Variants in CCDC3 observed in about 807,000 individuals in gnomAD.
CCDC3 encodes coiled-coil domain containing 3, also known as coiled-coil domain-containing protein 3.
Under a neutral mutation model 21.4 loss-of-function variants are expected in CCDC3, and 24 were observed. That is an observed-to-expected ratio of 1.12 (90% CI 0.81 to 1.58). The LOEUF is 1.58. CCDC3 is among the 40% of genes most tolerant of loss of function. CCDC3 has a pLI of 0.00. For missense variants in CCDC3, 425 were observed against 360.9 expected (o/e 1.18, Z -1.44); for synonymous variants, 186 against 166.0 (o/e 1.12, Z -0.93).
At chr10:13,025,186 T>G (rs2131407441) in intron 5 of CCDC3, among the ~76,000 whole-genome samples, 1 of 152,344 alleles carries the variant, frequency 6.6e-6, no homozygotes, top group Middle Eastern at 3.4e-3. Context: ...TTTATATGGC[T>G]GTAAATTGGT....
chr10:12,965,514 A>C (rs554928902), intron 2 of CCDC3, among the ~76,000 whole-genome samples: 6 of 152,060 alleles, frequency 3.9e-5, no homozygotes, highest in Non-Finnish European at 8.8e-5. Context: ...TACGATTCCT[A>C]CTCCCGATGA....
chr10:13,033,575 T>C (rs1296009705), intron 5 of CCDC3, among the ~76,000 whole-genome samples: 1 of 151,812 alleles, frequency 6.6e-6, no homozygotes, highest in Non-Finnish European at 1.5e-5. Context: ...TGGGAGAAAA[T>C]TTTTACAATC....
chr10:13,039,557 T>C (rs1220900352), intron 5 of CCDC3, among the ~76,000 whole-genome samples: 1 of 152,210 alleles, frequency 6.6e-6, no homozygotes. Flanking sequence ...ATCTTTTGCC[T>C]AGGAGTTTAA....
At chr10:12,909,887 C>G (rs953058194) in intron 2 of CCDC3, among the ~76,000 whole-genome samples, 1 of 152,194 alleles carries the variant, frequency 6.6e-6, no homozygotes, top group Non-Finnish European at 1.5e-5. Context: ...AGCTCTTCAA[C>G]TGAAAAAGGC....
rs145314216 is a variant in CCDC3, at chr10:12,997,443, T to C, written c.549+895A>G. Among the ~76,000 whole-genome samples, 181 of 152,324 alleles carry C rather than the reference T, an allele frequency of 1.2e-3. 1 individual carries two copies. The highest frequency in any genetic ancestry group is 4.2e-3 in the African/African-American group (174 of 41,568). The stretch of plus-strand genomic sequence containing the variant: ...GCCCATTGCTTTGGAAGAGTGATGA[T>C]CATCAAAATGTTCCTCCAACTCTGG... On this transcript the variant is annotated intron_variant, in intron 2 of 2. Transcript: ENST00000378825.
At chr10:13,083,505 A>C (rs1837067466) in intron 3 of CCDC3, among the ~76,000 whole-genome samples, 1 of 152,254 alleles carries the variant, frequency 6.6e-6, no homozygotes. Flanking sequence ...TTGTGCTAAT[A>C]ACTCTTTGTT....
chr10:13,015,674 C>A (rs1194898766), intron 5 of CCDC3, among the ~76,000 whole-genome samples: 1 of 152,018 alleles, frequency 6.6e-6, no homozygotes. Context: ...AGCTGTATAT[C>A]AGACACTGGA....
chr10:13,001,478 C>T lies in CCDC3; in HGVS notation c.93G>A (p.Leu31=). The change falls in exon 1 of 3, where the codon CTG becomes CTA. Residue 31 remains leucine, a synonymous_variant. Coordinates refer to ENST00000378825, the MANE Select transcript of CCDC3 (RefSeq NM_031455.4). Reference sequence around the variant, plus strand: ...CCAGCTCGGCGCGGCAGCCCTCGCTCAGGGGCCTCCACTCGGAGGGCAGCT... The same window carrying T: ...CCAGCTCGGCGCGGCAGCCCTCGCTTAGGGGCCTCCACTCGGAGGGCAGCT... ...ACQLPSEWRP[L]SEGCRAELAE... is the part of the protein sequence containing the mutation. 7.2e-7 allele frequency: 1 copy of T among 1,392,352 alleles called. No homozygotes were observed. The allele number at this position is 1,392,352 out of a possible 1,614,324, so 86.2% of individuals were successfully genotyped here.
At chr10:13,073,147 T>C (rs1289212802) in intron 4 of CCDC3, among the ~76,000 whole-genome samples, 1 of 152,222 alleles carries the variant, frequency 6.6e-6, no homozygotes, top group Non-Finnish European at 1.5e-5. Flanking sequence ...ATTACAGGCA[T>C]GAGCCACTAT....
At chr10:13,045,368 C>T (rs539601447) in intron 5 of CCDC3, among the ~76,000 whole-genome samples, 4 of 152,228 alleles carry the variant, frequency 2.6e-5, no homozygotes, top group South Asian at 4.1e-4. Context: ...TGGCTGGGCG[C>T]GGTGGCTCAT....
rs192372854 is a variant in CCDC3, at chr10:13,044,306, T to G, written c.-2+5368A>C. On this transcript the variant is annotated intron_variant, in intron 5 of 6. Coordinates refer to the CCDC3 transcript ENST00000378839. ...GAATATCCTCCCATTCCGTAGGTTG[T>G]CTGTTTATTATGTTAATAGTTTATT... Among the ~76,000 whole-genome samples the G allele has an allele frequency of 1.2e-3, 189 of 152,346 alleles. 1 individual carries two copies. Among genetic ancestry groups the G allele is most frequent in the African/African-American group, 4.2e-3 (175 of 41,572 alleles).
In CCDC3 at chr10:12,951,804, C is replaced by CAAAAAAAAAAAAAAAAAAAA. The variant is rs71924811; in HGVS notation, c.549+46514_549+46533dup. On this transcript the variant is annotated intron_variant, in intron 2 of 2. Transcript: ENST00000378825. Reference sequence around the variant, plus strand: ...TGGACAACAGAGTGAGACTTCATCTCAAAAAAAAAAAAAAAAAAAAAAAGT... The same window carrying CAAAAAAAAAAAAAAAAAAAA: ...TGGACAACAGAGTGAGACTTCATCTCAAAAAAAAAAAAAAAAAAAAAAAAAAAAAAAAAAAAAAAAAAAGT... 1.8e-4 allele frequency among the ~76,000 whole-genome samples: 11 copies of CAAAAAAAAAAAAAAAAAAAA among 60,490 alleles called. 2 individuals carry two copies. Among genetic ancestry groups the CAAAAAAAAAAAAAAAAAAAA allele is most frequent in the African/African-American group, 8.6e-4 (11 of 12,768 alleles). The allele number at this position is 60,490 out of a possible 152,430, so 39.7% of individuals were successfully genotyped here.
intron 5 of CCDC3, among the ~76,000 whole-genome samples, chr10:13,047,539 A>G (rs1013819844): frequency 2.0e-5 from 3 of 152,208 alleles, no homozygotes; most frequent in Non-Finnish European, 4.4e-5. Context: ...AACCTGCTTA[A>G]TTTTGTGTAA....
intron 2 of CCDC3, among the ~76,000 whole-genome samples, chr10:12,997,353 G>A (rs1283706944): frequency 2.0e-5 from 3 of 152,172 alleles, no homozygotes; most frequent in African/African-American, 7.2e-5. Flanking sequence ...GGAAGAGATG[G>A]GTCACAGCCC....
intron 2 of CCDC3, among the ~76,000 whole-genome samples, chr10:12,941,815 C>A (rs1834835644): frequency 6.6e-6 from 1 of 152,124 alleles, no homozygotes; most frequent in African/African-American, 2.4e-5. Flanking sequence ...TTTGAGACCC[C>A]TTTGTAATAG....
chr10:12,917,675 T>G (rs1343074660), intron 2 of CCDC3, among the ~76,000 whole-genome samples: 2 of 152,192 alleles, frequency 1.3e-5, no homozygotes, highest in Non-Finnish European at 2.9e-5. Context: ...TGGAACACAG[T>G]GTCTTTTAGT....
chr10:13,062,846 T>C (rs1203336966), intron 4 of CCDC3, among the ~76,000 whole-genome samples: 1 of 152,100 alleles, frequency 6.6e-6, no homozygotes, highest in Non-Finnish European at 1.5e-5. Context: ...GCATGAGATA[T>C]TTTGCATGCC....
intron 2 of CCDC3, among the ~76,000 whole-genome samples, chr10:12,900,267 G>A (rs1834071606): frequency 6.6e-6 from 1 of 152,052 alleles, no homozygotes; most frequent in Admixed American, 6.5e-5. Flanking sequence ...GTGTGTGTGA[G>A]CATATATATA....
intron 2 of CCDC3, among the ~76,000 whole-genome samples, 171 bp from the exon 3 acceptor site, chr10:12,898,850 C>G (rs948534080): frequency 9.2e-5 from 14 of 152,340 alleles, no homozygotes; most frequent in Non-Finnish European, 1.8e-4. Flanking sequence ...TCCCCGCCCT[C>G]CACCCTGTGA....
Sources: gnomAD v4.1 joint callset for allele counts (sites outside exome capture counted in the v4.1 genomes callset) on GRCh38, gnomAD v4.1.1 for gene constraint, MANE v1.5 for transcripts, NCBI Gene and HGNC (gene_info 2026-07-23, HGNC 2026-07-21) for gene names.